CPNE4: variants seen among roughly 807,000 people sequenced by gnomAD.
CPNE4 encodes the protein copine-4.
In CPNE4, 25 loss-of-function variants were observed where a neutral mutation model predicts 67.9. The observed-to-expected ratio is 0.37, with a 90% CI of 0.27 to 0.51. The LOEUF is 0.51. Among genes scored for constraint, CPNE4 ranks in the 20% least tolerant of loss-of-function variants. The pLI is 0.93. For missense variants in CPNE4, 464 were observed against 690.8 expected (o/e 0.67, Z 3.68); for synonymous variants, 242 against 244.9 (o/e 0.99, Z 0.11).
At chr3:131,905,188 G>A (rs2088696719) in intron 2 of CPNE4, 76 bp downstream of exon 2, 2 of 1,274,242 alleles carry the variant, frequency 1.6e-6, no homozygotes, top group South Asian at 1.5e-5. Flanking sequence ...TAAACCACCT[G>A]AAGATATAAA....
At chr3:132,003,188 A>C (rs985273522) in intron 1 of CPNE4, among the ~76,000 whole-genome samples, 1 of 152,152 alleles carries the variant, frequency 6.6e-6, no homozygotes, top group African/African-American at 2.4e-5. Context: ...GAATGTACAC[A>C]CTACATTCAT....
intron 13 of CPNE4, among the ~76,000 whole-genome samples, chr3:131,551,848 A>G (rs1023705931): frequency 1.3e-5 from 2 of 152,126 alleles, no homozygotes; most frequent in South Asian, 2.1e-4. Flanking sequence ...TTATTATCAT[A>G]GTTTCAATAT....
intron 1 of CPNE4, among the ~76,000 whole-genome samples, chr3:131,981,746 C>T (rs1231728626): frequency 6.6e-6 from 1 of 152,202 alleles, no homozygotes; most frequent in African/African-American, 2.4e-5. Context: ...ACCCAGCAAG[C>T]TCCCAGGGCC....
At chr3:131,774,339 G>GA (rs5852644) in intron 2 of CPNE4, among the ~76,000 whole-genome samples, 26 of 143,570 alleles carry the variant, frequency 1.8e-4, no homozygotes, top group South Asian at 4.4e-4. Flanking sequence ...AAAACGGTAA[G>GA]AAAAAAAAAA....
intron 2 of CPNE4, among the ~76,000 whole-genome samples, chr3:131,858,341 A>G (rs2086532750): frequency 6.7e-6 from 1 of 150,090 alleles, no homozygotes; most frequent in South Asian, 2.2e-4. Flanking sequence ...CTCTATTCTA[A>G]TGAACTATAA....
intron 1 of CPNE4, among the ~76,000 whole-genome samples, chr3:131,965,132 T>C (rs1314586910): frequency 6.6e-6 from 1 of 152,110 alleles, no homozygotes; most frequent in East Asian, 1.9e-4. Flanking sequence ...CTAAGCTTCA[T>C]ACACAAAGGA....
chr3:131,563,918 T>C (rs928863928), intron 11 of CPNE4, among the ~76,000 whole-genome samples: 2 of 152,042 alleles, frequency 1.3e-5, no homozygotes, highest in Non-Finnish European at 2.9e-5. Context: ...ATGCTGCTAG[T>C]GCATAAGCAA....
intron 1 of CPNE4, chr3:132,017,422 A>C (rs2073910018): frequency 6.6e-6 from 1 of 152,190 alleles, no homozygotes; most frequent in African/African-American, 2.4e-5. Flanking sequence ...ATGGAAAAAA[A>C]GAGGAAAAGA....
At chr3:131,608,198 G>A (rs1490453786) in intron 7 of CPNE4, among the ~76,000 whole-genome samples, 4 of 152,020 alleles carry the variant, frequency 2.6e-5, no homozygotes, top group African/African-American at 4.8e-5. Flanking sequence ...GCAAGACACC[G>A]GTAATATGGA....
chr3:131,899,643 T>C (rs1375662804), intron 2 of CPNE4, among the ~76,000 whole-genome samples: 1 of 152,088 alleles, frequency 6.6e-6, no homozygotes. Flanking sequence ...AAAGCTTTTA[T>C]TGCAGAGTAA....
At chr3:132,028,924 C>CTT (rs67866239) in intron 1 of CPNE4, among the ~76,000 whole-genome samples, 236 of 142,534 alleles carry the variant, frequency 1.7e-3, no homozygotes, top group Non-Finnish European at 2.6e-3. Flanking sequence ...CTTAATTTTT[C>CTT]TTTTTTTTTT....
intron 1 of CPNE4, among the ~76,000 whole-genome samples, chr3:131,938,926 C>A (rs1428969485): frequency 2.0e-5 from 3 of 152,076 alleles, no homozygotes; most frequent in Non-Finnish European, 4.4e-5. Flanking sequence ...TTATTAAATC[C>A]AAACTATACT....
At chr3:131,574,487 A>G (rs141634766) in intron 10 of CPNE4, among the ~76,000 whole-genome samples, 4 of 152,096 alleles carry the variant, frequency 2.6e-5, no homozygotes, top group African/African-American at 9.7e-5. Context: ...CACACAAATT[A>G]CATACAGGGG....
chr3:131,705,080 C>A (rs1406930059), intron 3 of CPNE4, among the ~76,000 whole-genome samples: 1 of 139,440 alleles, frequency 7.2e-6, no homozygotes, highest in African/African-American at 2.6e-5. Context: ...CTTTTCCCTT[C>A]TTCCTCCACT....
At chr3:131,632,199 G>A (rs147211507) in intron 7 of CPNE4, among the ~76,000 whole-genome samples, 3,968 of 151,798 alleles carry the variant, frequency 0.026, 175 homozygotes, top group African/African-American at 0.09. Flanking sequence ...CAGTAGAGTC[G>A]GGGTTTCACC....
chr3:132,029,273 C>G (rs1317670244), intron 1 of CPNE4, among the ~76,000 whole-genome samples: 4 of 152,168 alleles, frequency 2.6e-5, no homozygotes, highest in Non-Finnish European at 5.9e-5. Context: ...CCTAACCAGG[C>G]ACTGGAAGAC....
At chr3:131,655,261 A>C (rs891796608) in intron 7 of CPNE4, among the ~76,000 whole-genome samples, 1 of 152,132 alleles carries the variant, frequency 6.6e-6, no homozygotes, top group South Asian at 2.1e-4. Context: ...TGAATCAGAG[A>C]CTCTGGGGTT....
At chr3:131,871,562 T>A (rs1424098869) in intron 2 of CPNE4, among the ~76,000 whole-genome samples, 1 of 152,172 alleles carries the variant, frequency 6.6e-6, no homozygotes, top group African/African-American at 2.4e-5. Context: ...GTATCAACAT[T>A]TTCTGTGGGT....
chr3:131,680,334 T>C (rs923731298), intron 6 of CPNE4, among the ~76,000 whole-genome samples: 6 of 151,784 alleles, frequency 4.0e-5, no homozygotes, highest in African/African-American at 1.5e-4. Flanking sequence ...AGACCTTGCA[T>C]GTGAGATGTG....
Sources: allele counts gnomAD v4.1 joint callset (sites outside exome capture counted in the v4.1 genomes callset), GRCh38; gene constraint gnomAD v4.1.1; transcripts MANE v1.5; gene names NCBI Gene and HGNC (gene_info 2026-07-23, HGNC 2026-07-21).